MAP1A: variants seen among roughly 807,000 people sequenced by gnomAD.
MAP1A encodes microtubule-associated protein 1A.
A neutral mutation model predicts 185.9 loss-of-function variants in MAP1A; 42 were observed. The ratio of observed to expected loss-of-function variants is 0.23; its 90% CI spans 0.18 to 0.29. MAP1A has a LOEUF of 0.29. Among genes scored for constraint, MAP1A ranks in the 10% least tolerant of loss-of-function variants. MAP1A has a pLI of 1.00. For synonymous variants in MAP1A, 1,229 were observed against 1,335.9 expected (o/e 0.92, Z 1.74); for missense variants, 2,995 against 3,450.4 (o/e 0.87, Z 3.31).
At position 43,525,339 on chromosome 15, in the gene MAP1A, C is replaced by T. The variant is rs867818273; in HGVS notation, c.3866C>T (p.Pro1289Leu). 6.2e-7 allele frequency: 1 copy of T among 1,614,060 alleles called. No individual in the cohort carries two copies. The change falls in exon 4 of 6, where the codon CCT (proline) becomes CTT (leucine). Residue 1289 changes from proline (P) to leucine (L), a missense_variant. Pro to Leu is a moderately conservative substitution (Grantham distance 98). Around this residue, in one of 3 missense-constraint regions of MAP1A, gnomAD observed 2,728 missense variants for 2,986.0 expected, o/e 0.91. Coordinates refer to ENST00000300231, the MANE Select transcript of MAP1A (RefSeq NM_002373.6). ...ITDDSLDRKS[P>L]ASSFSHSTPS... Reference sequence around the variant, plus strand: ...GATGACAGCCTTGACAGGAAGTCACCTGCCAGCTCATTCTCTCACTCTACA... The same window carrying T: ...GATGACAGCCTTGACAGGAAGTCACTTGCCAGCTCATTCTCTCACTCTACA...
chr15:43,514,161 C>T (rs1187132369), upstream of MAP1A, among the ~76,000 whole-genome samples: 2 of 152,188 alleles, frequency 1.3e-5, no homozygotes, highest in Non-Finnish European at 2.9e-5. Flanking sequence ...AAGAGTTTGT[C>T]TGTGGTGTCC....
In MAP1A at chr15:43,527,202, G is replaced by A. The variant is rs200495945; in HGVS notation, c.5729G>A (p.Arg1910His). Residue 1910 changes from arginine to histidine, a missense_variant, in exon 4 of 6, where the codon CGC becomes CAC. By Grantham distance (29) the Arg-to-His change is conservative. Transcript: ENST00000300231. ...GPYSPLGKDY[R>H]KAEGEREEEG... ...TACTCCCCCCTGGGGAAGGACTACC[G>A]CAAGGCTGAAGGGGAAAGGGAAGAA... 86 of 1,614,064 alleles carry A rather than the reference G, an allele frequency of 5.3e-5. 1 individual carries two copies. In the Middle Eastern group the frequency reaches 8.2e-4, roughly 15 times the overall value.
Position 43,525,236 on chromosome 15 carries a change from G to T in MAP1A, c.3763G>T (p.Val1255Phe), listed in dbSNP as rs780559455. ...CTCTCACCACACAGCTCCCATGTCT[G>T]TTCCAGAGCCCCATGCAGCCACAGC... ...DTSHHTAPMS[V>F]PEPHAATASP... Residue 1255 changes from valine (V) to phenylalanine (F), a missense_variant, in exon 4 of 6, where the codon GTT (valine) becomes TTT (phenylalanine). Transcript: ENST00000300231. The T allele has an allele frequency of 3.1e-6, 5 of 1,614,120 alleles. No individual in the cohort carries two copies. Among genetic ancestry groups the T allele is most frequent in the Admixed American group, 3.3e-5 (2 of 60,012 alleles).
rs2079322283 is a variant in MAP1A, at chr15:43,522,286, T to A, written c.813T>A (p.Ala271=). The change falls in exon 4 of 6, where the codon GCT becomes GCA. Residue 271 remains alanine, a synonymous_variant. Transcript: ENST00000300231. This position sits in a 1 kb window ranked among gnomAD's most constrained non-coding sequence, Gnocchi z 5.9. ...TGCGTGTGCTTTTTCCAGGAAATGC[T>A]CCCCAAAACAAGATCTTGGAGGGCC... ...KIVRVLFPGN[A]PQNKILEGLE... The A allele has an allele frequency of 1.2e-6, 2 of 1,614,120 alleles. No individual in the cohort carries two copies. Among genetic ancestry groups the A allele is most frequent in the East Asian group, 4.5e-5 (2 of 44,876 alleles).
chr15:43,512,396 G>A, intron 2 of MAP1A: 1 of 750,452 alleles, frequency 1.3e-6, no homozygotes, highest in South Asian at 1.6e-5. Context: ...GGAGGAGAAG[G>A]GAGGAACTTT....
rs367546171 is a variant in MAP1A, at chr15:43,528,541, T to C, written c.7068T>C (p.Asp2356=). 11 of 1,613,480 alleles carry C rather than the reference T, an allele frequency of 6.8e-6. No individual in the cohort carries two copies. The highest frequency in any genetic ancestry group is 1.7e-5 in the Admixed American group (1 of 60,014). The change falls in exon 4 of 6, where the codon GAT becomes GAC. Residue 2356 remains aspartate, a synonymous_variant. Transcript: ENST00000300231. ...GCCCCTTCCAGGTTCCCTCTGAGGA[T>C]TGTGCAGCCAATGGCCCAACTGAAA... ...KPSPFQVPSE[D]CAANGPTETS...
At chr15:43,510,983 G>A (rs1343566189) in exon 1 of MAP1A, 6 of 1,533,838 alleles carry the variant, frequency 3.9e-6, no homozygotes, top group South Asian at 2.4e-5. Flanking sequence ...CTCCGCGGGT[G>A]TTTCCATGGA....
chr15:43,524,065 G>A lies in MAP1A; in HGVS notation c.2592G>A (p.Lys864=), dbSNP rs775810438. The A allele has an allele frequency of 6.2e-6, 10 of 1,614,092 alleles. No homozygotes were observed. Among genetic ancestry groups the A allele is most frequent in the Non-Finnish European group, 8.5e-6 (10 of 1,180,038 alleles). ...CTCCCCAGACAGAGGAGACAGGCAA[G>A]AGCTCCCTGCTGCTTGACACAGTCA... The part of the protein sequence containing the change: ...LTAPQTEETG[K]SSLLLDTVTS... Residue 864 remains lysine, a synonymous_variant, in exon 4 of 6, where the codon AAG becomes AAA. Transcript: ENST00000300231.
Position 43,520,544 on chromosome 15 carries a change from T to G in MAP1A, c.-374-97T>G, listed in dbSNP as rs1268263921. The G allele has an allele frequency of 3.6e-6, 3 of 825,884 alleles. No homozygotes were observed. In the African/African-American group the frequency reaches 5.1e-5, roughly 14 times the overall value. The allele number at this position is 825,884 out of a possible 1,614,324, so 51.2% of individuals were successfully genotyped here. A position where few individuals can be genotyped will look rare whatever the true frequency, so the allele number is the denominator to read the frequency against. On this transcript the variant is annotated intron_variant, in intron 1 of 5. Coordinates refer to ENST00000300231, the MANE Select transcript of MAP1A (RefSeq NM_002373.6). ...GCAGGGCCTAAGGATACCTTCTCTT[T>G]CGTCTAAGCCCCATTTCCTGATAGC...
upstream of MAP1A, chr15:43,517,605 C>T (rs1377102981): frequency 4.4e-6 from 3 of 675,474 alleles, no homozygotes; most frequent in South Asian, 6.6e-5. Flanking sequence ...CACCGCCCGC[C>T]CCACTCCCAC....
Position 43,521,254 on chromosome 15 carries a change from G to T in MAP1A, c.-150-70G>T. On this transcript the variant is annotated intron_variant, in intron 3 of 5. Coordinates refer to ENST00000300231, the MANE Select transcript of MAP1A (RefSeq NM_002373.6). The surrounding 1 kb of genome is among the most constrained non-coding windows in gnomAD (Gnocchi z 4.6). The stretch of plus-strand genomic sequence containing the variant: ...CACCTTGGAAAGAGGTGAAGATTAG[G>T]GTACTGAATCTAAGTCAGACCAAAA... 5 of 1,489,854 alleles carry T rather than the reference G, an allele frequency of 3.4e-6. 1 individual carries two copies. The South Asian group carries it at 6.7e-5, about 20-fold the overall frequency. 92.3% of individuals were successfully genotyped at this position (1,489,854 alleles called of 1,614,324 possible). A position where few individuals can be genotyped will look rare whatever the true frequency, so the allele number is the denominator to read the frequency against.
At chr15:43,518,918 T>G (rs1039319636) in intron 1 of MAP1A, among the ~76,000 whole-genome samples, 3 of 151,388 alleles carry the variant, frequency 2.0e-5, no homozygotes, top group African/African-American at 2.4e-5. Context: ...AGGGATAGAG[T>G]GAGGAACAGG....
chr15:43,527,664 C>T lies in MAP1A; in HGVS notation c.6191C>T (p.Pro2064Leu), dbSNP rs190284479. Residue 2064 changes from proline to leucine, a missense_variant, in exon 4 of 6, where the codon CCC (proline) becomes CTC (leucine). This residue lies in a region of MAP1A where 2,728 missense variants were observed against 2,986.0 expected (regional missense o/e 0.91). Transcript: ENST00000300231. ...AGCCTCACCCCACCTGCAGTTCCCC[C>T]CCGTGCTCCTATCCTGAGCAAAGGC... ...EPSLTPPAVP[P>L]RAPILSKGPS... is the part of the protein sequence containing the mutation. 1.0e-3 allele frequency: 1,625 copies of T among 1,613,412 alleles called. 2 individuals carry two copies. The highest frequency in any genetic ancestry group is 1.2e-3 in the Non-Finnish European group (1,419 of 1,179,700).
At position 43,523,769 on chromosome 15, in the gene MAP1A, C is replaced by A. The variant is rs768116252; in HGVS notation, c.2296C>A (p.Pro766Thr). 6.2e-7 allele frequency: 1 copy of A among 1,614,112 alleles called. No individual in the cohort carries two copies. Among genetic ancestry groups the A allele is most frequent in the Admixed American group, 1.7e-5 (1 of 60,030 alleles). ...HDEPEERPAP[P>T]RFHTSTYDLP... Reference sequence around the variant, plus strand: ...TGAGCCGGAGGAGCGCCCAGCTCCACCCAGATTTCATACAAGTACATATGA... The same window carrying A: ...TGAGCCGGAGGAGCGCCCAGCTCCAACCAGATTTCATACAAGTACATATGA... The change falls in exon 4 of 6, where the codon CCC becomes ACC. Residue 766 changes from proline to threonine, a missense_variant. Transcript: ENST00000300231.
At chr15:43,511,437 G>C (rs1435563744) in intron 1 of MAP1A, among the ~76,000 whole-genome samples, 1 of 152,100 alleles carries the variant, frequency 6.6e-6, no homozygotes, top group Non-Finnish European at 1.5e-5. Flanking sequence ...CACACTCCAT[G>C]GCGTTCCGCA....
chr15:43,524,724 C>T lies in MAP1A; in HGVS notation c.3251C>T (p.Thr1084Ile), dbSNP rs1251771633. ...EAPVNIDEGL[T>I]GCTIQLLPAQ... ...CCTGTCAACATTGATGAGGGGCTTA[C>T]AGGCTGTACCATTCAACTGTTGCCA... The change falls in exon 4 of 6, where the codon ACA becomes ATA. Residue 1084 changes from threonine to isoleucine, a missense_variant. Physicochemically the swap from Thr to Ile is moderately conservative, Grantham distance 89 (BLOSUM62 -1). Coordinates refer to ENST00000300231, the MANE Select transcript of MAP1A (RefSeq NM_002373.6). The T allele has an allele frequency of 1.2e-6, 2 of 1,613,986 alleles. No individual in the cohort carries two copies. Among genetic ancestry groups the T allele is most frequent in the East Asian group, 2.2e-5 (1 of 44,890 alleles).
chr15:43,528,767 G>A lies in MAP1A; in HGVS notation c.7294G>A (p.Ala2432Thr). ...PPSSASPEVE[A>T]GPQGCATEPR... ...CAGCAGTGCCTCTCCTGAGGTCGAA[G>A]CTGGGCCCCAGGGATGTGCCACTGA... The change falls in exon 4 of 6, where the codon GCT (alanine) becomes ACT (threonine). Residue 2432 changes from alanine to threonine, a missense_variant. By Grantham distance (58) the Ala-to-Thr change is moderately conservative (BLOSUM62 0). Around this residue, in one of 3 missense-constraint regions of MAP1A, gnomAD observed 2,728 missense variants for 2,986.0 expected, o/e 0.91. Transcript: ENST00000300231. 1 of 1,613,464 alleles carries A rather than the reference G, an allele frequency of 6.2e-7. No homozygotes were observed. Among genetic ancestry groups the A allele is most frequent in the Non-Finnish European group, 8.5e-7 (1 of 1,179,870 alleles).
At position 43,523,035 on chromosome 15, in the gene MAP1A, GGGAGCT is replaced by G. The variant is rs1566977390; in HGVS notation, c.1565_1570del (p.Glu522_Leu523del). On this transcript the variant is annotated inframe_deletion, in exon 4 of 6. Transcript: ENST00000300231. ...CCACTCCCAACCATCAGTGGGCACAGGGAGCTGGTCCTATCCTCACCAGAGGACCTC... is the reference window on the plus strand; with the variant it reads ...CCACTCCCAACCATCAGTGGGCACAGGGTCCTATCCTCACCAGAGGACCTC... The G allele has an allele frequency of 6.2e-7, 1 of 1,614,224 alleles. No homozygotes were observed. Among genetic ancestry groups the G allele is most frequent in the Admixed American group, 1.7e-5 (1 of 60,028 alleles).
At chr15:43,512,949 T>G (rs1314849771), upstream of MAP1A, among the ~76,000 whole-genome samples, 1 of 152,126 alleles carries the variant, frequency 6.6e-6, no homozygotes, top group Non-Finnish European at 1.5e-5. Flanking sequence ...ATGGGTGGGT[T>G]AGAGATTTGA....
Sources: allele counts gnomAD v4.1 joint callset (sites outside exome capture counted in the v4.1 genomes callset), GRCh38; gene constraint gnomAD v4.1.1; regional missense constraint gnomAD v4.1.1; non-coding constraint Gnocchi (gnomAD v3.1); transcripts MANE v1.5; gene names NCBI Gene and HGNC (gene_info 2026-07-23, HGNC 2026-07-21).